Variants in ABCC6 observed in about 807,000 individuals in gnomAD.
ABCC6 encodes ATP binding cassette subfamily C member 6.
A neutral mutation model predicts 169.5 loss-of-function variants in ABCC6; 126 were observed. The observed-to-expected ratio is 0.74, with a 90% CI of 0.64 to 0.86. The LOEUF (loss-of-function observed/expected upper bound fraction) is 0.86. Among genes scored for constraint, ABCC6 ranks in the 40% least tolerant of loss-of-function variants. The pLI, the probability that ABCC6 is intolerant of heterozygous loss-of-function variation, is 0.00. For missense variants in ABCC6, 1,733 were observed against 1,927.2 expected (o/e 0.90, Z 1.89); for synonymous variants, 752 against 814.7 (o/e 0.92, Z 1.31).
At chr16:16,182,740 G>T in intron 16 of ABCC6, 64 bp downstream of exon 16, 1 of 1,610,204 alleles carries the variant, frequency 6.2e-7, no homozygotes, top group Non-Finnish European at 8.5e-7. Flanking sequence ...GGGTGGGAAG[G>T]CAGCGAGGAA....
At position 16,188,960 on chromosome 16, in the gene ABCC6, C is replaced by T; in HGVS notation, c.1650G>A (p.Val550=). 2 of 1,614,050 alleles carry T rather than the reference C, an allele frequency of 1.2e-6. No homozygotes were observed. Among genetic ancestry groups the T allele is most frequent in the Non-Finnish European group, 1.7e-6 (2 of 1,180,030 alleles). The change falls in exon 13 of 31, where the codon GTG becomes GTA. Residue 550 remains valine (V), a synonymous_variant. Coordinates refer to ENST00000205557, the MANE Select transcript of ABCC6 (RefSeq NM_001171.6). ...QVSTFLVALV[V]FAVHTLVAEN... ...CGGCCACCAGAGTGTGGACAGCAAA[C>T]ACCACCAGTGCGACCTGGGGGGTGG...
chr16:16,194,264 C>A (rs1277012490), intron 10 of ABCC6, among the ~76,000 whole-genome samples: 2 of 152,238 alleles, frequency 1.3e-5, no homozygotes, highest in Non-Finnish European at 2.9e-5. Flanking sequence ...ATCTTCATTT[C>A]ATCCCTCGCA....
intron 14 of ABCC6, 56 bp from the exon 15 acceptor site, chr16:16,185,090 T>C (rs963864142): frequency 2.4e-5 from 37 of 1,514,094 alleles, no homozygotes; most frequent in Non-Finnish European, 3.1e-5. Flanking sequence ...GGCCTCTGCA[T>C]CGGAGAGGCC....
chr16:16,203,378 C>A, intron 8 of ABCC6, 32 bp downstream of exon 8: 8 of 1,613,722 alleles, frequency 5.0e-6, no homozygotes, highest in Non-Finnish European at 6.8e-6. Flanking sequence ...AGACCACCCA[C>A]CTTAGCAGGG....
At chr16:16,217,965 C>T (rs866484633) in intron 4 of ABCC6, among the ~76,000 whole-genome samples, 1 of 152,188 alleles carries the variant, frequency 6.6e-6, no homozygotes, top group East Asian at 1.9e-4. Flanking sequence ...TGGCACATGC[C>T]TGTAATCCCA....
At chr16:16,212,437 G>A (rs2048666435) in intron 5 of ABCC6, among the ~76,000 whole-genome samples, 191 bp from the exon 6 acceptor site, 1 of 149,104 alleles carries the variant, frequency 6.7e-6, no homozygotes, top group African/African-American at 2.5e-5. Context: ...GCCTTCCAAA[G>A]AGCTGGGATG....
intron 15 of ABCC6, 83 bp downstream of exon 15, chr16:16,184,876 C>T: frequency 6.9e-7 from 1 of 1,454,088 alleles, no homozygotes; most frequent in Non-Finnish European, 9.7e-7. Context: ...ACCTACACCA[C>T]CTCTCAGGTG....
rs2046349778 is a variant in ABCC6, at chr16:16,150,271, T to C, written c.4404-30A>G. The C allele has an allele frequency of 3.7e-6, 6 of 1,613,540 alleles. No homozygotes were observed. In the East Asian group the frequency reaches 1.3e-4, roughly 36 times the overall value. On this transcript the variant is annotated intron_variant, in intron 30 of 30. Coordinates refer to ENST00000205557, the MANE Select transcript of ABCC6 (RefSeq NM_001171.6). ...GGGGGAGAGGGAGACAGAGAGGCTCTTTGGACACCAGCCCAGGCTCTCGGC... is the reference window on the plus strand; with the variant it reads ...GGGGGAGAGGGAGACAGAGAGGCTCCTTGGACACCAGCCCAGGCTCTCGGC...
At chr16:16,173,237 G>A (rs756617904) in intron 21 of ABCC6, 47 bp downstream of exon 21, 3 of 1,609,168 alleles carry the variant, frequency 1.9e-6, no homozygotes. Context: ...TGGGCCCCTG[G>A]AGGTGGCAGC....
At chr16:16,155,206 C>G in intron 27 of ABCC6, 175 bp from the exon 28 acceptor site, 1 of 712,024 alleles carries the variant, frequency 1.4e-6, no homozygotes, top group Non-Finnish European at 2.3e-6. Flanking sequence ...ATCAATCCAT[C>G]CAGTCTTCCA....
chr16:16,204,374 C>G (rs2048330140), intron 7 of ABCC6, among the ~76,000 whole-genome samples: 1 of 152,092 alleles, frequency 6.6e-6, no homozygotes, highest in African/African-American at 2.4e-5. Context: ...ACTTTTCAAC[C>G]TATCGTGTTG....
intron 30 of ABCC6, 105 bp from the exon 31 acceptor site, chr16:16,150,346 C>A: frequency 6.4e-7 from 1 of 1,569,260 alleles, no homozygotes; most frequent in South Asian, 1.1e-5. Flanking sequence ...CATAGAAGTC[C>A]TGCTTTCCAT....
At chr16:16,152,265 C>T (rs942110616) in intron 29 of ABCC6, among the ~76,000 whole-genome samples, 14 of 149,336 alleles carry the variant, frequency 9.4e-5, no homozygotes, top group Non-Finnish European at 1.3e-4. Context: ...TAGCACCCTT[C>T]GTGGAGGGTG....
intron 11 of ABCC6, among the ~76,000 whole-genome samples, chr16:16,191,425 T>G (rs2047851079): frequency 6.6e-6 from 1 of 151,978 alleles, no homozygotes; most frequent in African/African-American, 2.4e-5. Context: ...GGATTACAGG[T>G]GTCAGCCACT....
At chr16:16,221,962 C>G in intron 1 of ABCC6, 131 bp from the exon 2 acceptor site, 1 of 1,386,158 alleles carries the variant, frequency 7.2e-7, no homozygotes, top group South Asian at 1.2e-5. Flanking sequence ...CTTTGGAATA[C>G]CTACTAATTC....
chr16:16,161,373 G>C, intron 25 of ABCC6, 65 bp downstream of exon 25: 1 of 1,610,502 alleles, frequency 6.2e-7, no homozygotes, highest in Admixed American at 1.7e-5. Context: ...GGTCCCACTA[G>C]CAGGGGTCCG....
chr16:16,210,545 A>G lies in ABCC6; in HGVS notation c.662+1640T>C, dbSNP rs142783566. On this transcript the variant is annotated intron_variant, in intron 6 of 30. Coordinates refer to ENST00000205557, the MANE Select transcript of ABCC6 (RefSeq NM_001171.6). ...CTGAAATTATTTTTGGAGTTCTCCTATATGGCAAGTGATGCTATAGATTTT... is the reference window on the plus strand; with the variant it reads ...CTGAAATTATTTTTGGAGTTCTCCTGTATGGCAAGTGATGCTATAGATTTT... 2.8e-4 allele frequency among the ~76,000 whole-genome samples: 42 copies of G among 152,350 alleles called. No homozygotes were observed. The East Asian group carries it at 8.1e-3, about 29-fold the overall frequency.
In ABCC6 at chr16:16,176,077, C is replaced by A. The variant is rs541366493; in HGVS notation, c.2591-91G>T. ...ATGTGGCCTTAACCGCTCTGACCATCCATTTCCCCTGATCTGGCTCCTGCC... is the reference window on the plus strand; with the variant it reads ...ATGTGGCCTTAACCGCTCTGACCATACATTTCCCCTGATCTGGCTCCTGCC... On this transcript the variant is annotated intron_variant, in intron 19 of 30. Coordinates refer to ENST00000205557, the MANE Select transcript of ABCC6 (RefSeq NM_001171.6). The A allele has an allele frequency of 1.9e-3, 2,482 of 1,281,186 alleles. 12 individuals are homozygous for A. The highest frequency in any genetic ancestry group is 7.1e-3 in the South Asian group (596 of 83,896). The allele number at this position is 1,281,186 out of a possible 1,614,324, so 79.4% of individuals were successfully genotyped here. A position where few individuals can be genotyped will look rare whatever the true frequency, so the allele number is the denominator to read the frequency against.
intron 27 of ABCC6, 30 bp downstream of exon 27, chr16:16,157,633 T>G (rs2046591818): frequency 6.2e-7 from 1 of 1,613,794 alleles, no homozygotes; most frequent in South Asian, 1.1e-5. Flanking sequence ...CTAAACTCCA[T>G]GAAGAAGACA....
Sources: allele counts gnomAD v4.1 joint callset (sites outside exome capture counted in the v4.1 genomes callset), GRCh38; gene constraint gnomAD v4.1.1; transcripts MANE v1.5; gene names NCBI Gene and HGNC (gene_info 2026-07-23, HGNC 2026-07-21).